Variants in USH2A observed in about 807,000 individuals in gnomAD.
The protein encoded by USH2A is usherin, also known as Usher syndrome 2A (autosomal recessive, mild).
USH2A carries 443 observed loss-of-function variants against 538.9 expected under a neutral mutation model. That is an observed-to-expected ratio of 0.82 (90% confidence interval 0.76 to 0.89). The LOEUF is 0.89. USH2A is among the 40% of genes least tolerant of loss of function. USH2A has a pLI of 0.00. For missense variants in USH2A, 6,633 were observed against 6,324.8 expected, an observed-to-expected ratio of 1.05 and a Z score of -1.65; for synonymous variants, 2,413 against 2,273.5, an observed-to-expected ratio of 1.06 and a Z score of -1.75.
intron 35 of USH2A, among the ~76,000 whole-genome samples, chr1:215,976,130 A>G (rs113235121): frequency 2.0e-4 from 30 of 152,278 alleles, no homozygotes; most frequent in African/African-American, 6.3e-4. Flanking sequence ...TTATTGGTGT[A>G]TAGAAATGCT....
intron 3 of USH2A, among the ~76,000 whole-genome samples, chr1:216,417,490 C>T (rs959223538): frequency 3.9e-5 from 6 of 152,106 alleles, no homozygotes; most frequent in East Asian, 1.9e-4. Context: ...GGTGGTGGGG[C>T]CTGATGGGAG....
At chr1:215,788,522 G>A (rs545606310) in intron 51 of USH2A, among the ~76,000 whole-genome samples, 1 of 150,290 alleles carries the variant, frequency 6.7e-6, no homozygotes, top group Non-Finnish European at 1.5e-5. Flanking sequence ...AAAAAAAATT[G>A]CTAAGAGAGT....
At chr1:215,898,184 G>A (rs1291716329) in intron 40 of USH2A, among the ~76,000 whole-genome samples, 3 of 152,152 alleles carry the variant, frequency 2.0e-5, no homozygotes, top group African/African-American at 7.2e-5. Context: ...TTGGGGAACG[G>A]ATTTAAACAC....
In USH2A at chr1:216,217,488, C is replaced by T. The variant is rs868231763; in HGVS notation, c.3056G>A (p.Gly1019Asp). 4 of 1,613,106 alleles carry T rather than the reference C, an allele frequency of 2.5e-6. No individual in the cohort carries two copies. In the African/African-American group the frequency reaches 4.0e-5, roughly 16 times the overall value. Residue 1019 changes from glycine (G) to aspartate (D), a missense_variant, in exon 15 of 72, where the codon GGC becomes GAC. Physicochemically the swap from Gly to Asp is moderately conservative, Grantham distance 94. Transcript: ENST00000307340. Reference sequence around the variant, plus strand: ...GACAAATTGTTTACAGAAACACTGGCCTGTGACCAAGTGACAGGTTTCATT... The same window carrying T: ...GACAAATTGTTTACAGAAACACTGGTCTGTGACCAAGTGACAGGTTTCATT... ...ALNETCHLVTGQCFCKQFVTG... is the reference protein window; with the variant it reads ...ALNETCHLVTDQCFCKQFVTG...
At chr1:216,273,992 C>G (rs934063123) in intron 11 of USH2A, among the ~76,000 whole-genome samples, 3 of 152,010 alleles carry the variant, frequency 2.0e-5, no homozygotes, top group African/African-American at 7.2e-5. Context: ...TATACCAGAC[C>G]TAAAGAATTA....
chr1:216,400,921 T>C (rs1016540870), intron 3 of USH2A, among the ~76,000 whole-genome samples: 4 of 152,090 alleles, frequency 2.6e-5, no homozygotes, highest in Non-Finnish European at 5.9e-5. Context: ...TCAAACCCAT[T>C]CTTAAAGGAT....
chr1:216,025,906 T>C (rs1668953075), intron 32 of USH2A, among the ~76,000 whole-genome samples: 2 of 152,056 alleles, frequency 1.3e-5, no homozygotes, highest in African/African-American at 4.8e-5. Flanking sequence ...CTACATGAAA[T>C]AGATATTCAA....
chr1:216,134,538 A>G (rs1402126063), intron 21 of USH2A, among the ~76,000 whole-genome samples: 1 of 152,148 alleles, frequency 6.6e-6, no homozygotes, highest in Non-Finnish European at 1.5e-5. Flanking sequence ...TAAAGATAAT[A>G]TAGGGTTTGC....
intron 26 of USH2A, among the ~76,000 whole-genome samples, chr1:216,080,549 A>G (rs2031908817): frequency 1.3e-5 from 2 of 152,066 alleles, no homozygotes; most frequent in East Asian, 1.9e-4. Flanking sequence ...AAGTGGCAAT[A>G]ACAAAAGTAA....
intron 37 of USH2A, among the ~76,000 whole-genome samples, chr1:215,962,656 T>C (rs373134289): frequency 0.022 from 1,844 of 85,506 alleles, 38 homozygotes; most frequent in Admixed American, 0.08. Context: ...TTTGTTTATG[T>C]ATACACACAC....
chr1:216,131,711 G>A (rs757676355), intron 21 of USH2A, among the ~76,000 whole-genome samples: 3 of 151,904 alleles, frequency 2.0e-5, no homozygotes, highest in African/African-American at 4.8e-5. Flanking sequence ...TCTCCCTAGA[G>A]TACTATGTTC....
At chr1:215,954,119 C>A (rs1435133695) in intron 37 of USH2A, among the ~76,000 whole-genome samples, 4 of 152,150 alleles carry the variant, frequency 2.6e-5, no homozygotes, top group African/African-American at 4.8e-5. Flanking sequence ...GTTGGTGGGA[C>A]TGTAAACTAG....
At chr1:216,224,399 A>G (rs772678387) in intron 14 of USH2A, among the ~76,000 whole-genome samples, 7 of 152,134 alleles carry the variant, frequency 4.6e-5, no homozygotes, top group Non-Finnish European at 7.4e-5. Context: ...TTGATTTTTC[A>G]GTGGGCAGAT....
chr1:216,209,928 G>T (rs898272062), intron 15 of USH2A, among the ~76,000 whole-genome samples: 14 of 152,228 alleles, frequency 9.2e-5, no homozygotes, highest in African/African-American at 3.4e-4. Context: ...CCCAAGGCAG[G>T]CCAGGGAAAC....
At chr1:215,655,725 CTTTTTTTTT>C (rs766225635) in intron 64 of USH2A, among the ~76,000 whole-genome samples, 119 of 96,192 alleles carry the variant, frequency 1.2e-3, no homozygotes, top group Middle Eastern at 7.4e-3. Flanking sequence ...GCTAGTTATT[CTTTTTTTTT>C]TTTTTTTTTT....
intron 49 of USH2A, among the ~76,000 whole-genome samples, chr1:215,806,329 T>TA (rs1662499987): frequency 1.3e-5 from 2 of 150,788 alleles, no homozygotes; most frequent in South Asian, 4.1e-4. Flanking sequence ...GTAAATGAGA[T>TA]ACCAGCATTA....
chr1:216,390,963 C>T (rs930814764), intron 3 of USH2A, among the ~76,000 whole-genome samples: 1 of 151,854 alleles, frequency 6.6e-6, no homozygotes, highest in Non-Finnish European at 1.5e-5. Flanking sequence ...ACAAGTGGAC[C>T]GACAAGAACA....
chr1:216,118,249 G>A lies in USH2A; in HGVS notation c.4628-21036C>T, dbSNP rs147274014. On this transcript the variant is annotated intron_variant, in intron 21 of 71. Coordinates refer to ENST00000307340, the MANE Select transcript of USH2A (RefSeq NM_206933.4). ...GTATTAGCTATTATTATTAAAATCC[G>A]TCCACTGTATTTGTTCTGAGAGACC... Among the ~76,000 whole-genome samples the A allele has an allele frequency of 4.0e-3, 606 of 152,054 alleles. 4 individuals are homozygous for A. The highest frequency in any genetic ancestry group is 0.014 in the African/African-American group (581 of 41,490).
intron 9 of USH2A, among the ~76,000 whole-genome samples, chr1:216,303,389 C>T (rs553046936): frequency 1.3e-5 from 2 of 152,022 alleles, no homozygotes; most frequent in South Asian, 2.1e-4. Flanking sequence ...ACAGGCAACT[C>T]TCCAAAATAA....
Sources: allele counts gnomAD v4.1 joint callset (sites outside exome capture counted in the v4.1 genomes callset), GRCh38; gene constraint gnomAD v4.1.1; transcripts MANE v1.5; gene names NCBI Gene and HGNC (gene_info 2026-07-23, HGNC 2026-07-21).